PLEKHG7: variants seen among roughly 807,000 people sequenced by gnomAD.
PLEKHG7 encodes the protein pleckstrin homology domain-containing family G member 7.
In PLEKHG7, 77 loss-of-function variants were observed where a neutral mutation model predicts 85.2. The ratio of observed to expected loss-of-function variants is 0.90; its 90% confidence interval spans 0.75 to 1.09. The LOEUF (loss-of-function observed/expected upper bound fraction) is 1.09, where lower values mean the gene tolerates loss of function less well. PLEKHG7 is among the 50% of genes least tolerant of loss of function. The pLI, the probability that PLEKHG7 is intolerant of heterozygous loss-of-function variation, is 0.00. For synonymous variants in PLEKHG7, 301 were observed against 302.4 expected, an observed-to-expected ratio of 1.00 and a Z score of 0.05; for missense variants, 777 against 804.3, an observed-to-expected ratio of 0.97 and a Z score of 0.41.
intron 3 of PLEKHG7, among the ~76,000 whole-genome samples, chr12:92,722,231 C>G (rs78078627): frequency 6.6e-6 from 1 of 151,954 alleles, no homozygotes; most frequent in Non-Finnish European, 1.5e-5. Context: ...GACACAGACC[C>G]GGGTCTTTTC....
chr12:92,721,702 C>CAAAAAA (rs71069170), intron 3 of PLEKHG7, among the ~76,000 whole-genome samples: 1 of 43,370 alleles, frequency 2.3e-5, no homozygotes, highest in Non-Finnish European at 4.4e-5. Flanking sequence ...AGCATAAAAC[C>CAAAAAA]AAAAAAAAAA....
chr12:92,729,273 T>A (rs1320578789), intron 4 of PLEKHG7, among the ~76,000 whole-genome samples, 153 bp downstream of exon 4: 1 of 151,844 alleles, frequency 6.6e-6, no homozygotes, highest in Non-Finnish European at 1.5e-5. Context: ...CACCAGCTGT[T>A]ACTGGAATTA....
At chr12:92,734,799 A>G (rs1397892876) in intron 5 of PLEKHG7, among the ~76,000 whole-genome samples, 2 of 152,200 alleles carry the variant, frequency 1.3e-5, no homozygotes, top group Non-Finnish European at 2.9e-5. Context: ...ACCAATGACT[A>G]CTGTACATCT....
At position 92,749,955 on chromosome 12, in the gene PLEKHG7, TTA is replaced by T. The variant is rs1163162941; in HGVS notation, c.1252-4131_1252-4130del. 1.3e-3 allele frequency among the ~76,000 whole-genome samples: 74 copies of T among 56,578 alleles called. 1 individual carries two copies. Among genetic ancestry groups the T allele is most frequent in the African/African-American group, 5.2e-3 (68 of 13,038 alleles). 37.1% of individuals were successfully genotyped at this position (56,578 alleles called of 152,430 possible). On this transcript the variant is annotated intron_variant, in intron 10 of 16. Transcript: ENST00000344636. ...ATTTTATTTTATATTTTATTTTATTTTATATTTTATTTTATATTTTATTTTAT... is the reference window on the plus strand; with the variant it reads ...ATTTTATTTTATATTTTATTTTATTTTATTTTATTTTATATTTTATTTTAT...
At chr12:92,714,699 G>A (rs532300835) in intron 3 of PLEKHG7, among the ~76,000 whole-genome samples, 1 of 152,226 alleles carries the variant, frequency 6.6e-6, no homozygotes, top group Non-Finnish European at 1.5e-5. Flanking sequence ...GCTTTGTTAT[G>A]TTCCTTGGTT....
At chr12:92,730,683 G>A (rs1412707030) in intron 4 of PLEKHG7, among the ~76,000 whole-genome samples, 1 of 152,230 alleles carries the variant, frequency 6.6e-6, no homozygotes, top group Non-Finnish European at 1.5e-5. Flanking sequence ...GCTTCCCAAG[G>A]TGCTGGGATT....
At chr12:92,707,279 C>T (rs80210759) in intron 2 of PLEKHG7, 141 bp downstream of exon 2, 26,913 of 1,436,720 alleles carry the variant, frequency 0.019, 294 homozygotes, top group Non-Finnish European at 0.023. Flanking sequence ...GACACATTCT[C>T]TTTAGGAAGC....
intron 11 of PLEKHG7, among the ~76,000 whole-genome samples, chr12:92,754,619 A>G (rs1433016283): frequency 6.6e-6 from 1 of 152,222 alleles, no homozygotes; most frequent in Non-Finnish European, 1.5e-5. Context: ...GGGAGTAAAC[A>G]CCATGGAAAG....
intron 4 of PLEKHG7, among the ~76,000 whole-genome samples, 167 bp downstream of exon 4, chr12:92,729,287 G>A (rs1871913192): frequency 6.6e-6 from 1 of 151,664 alleles, no homozygotes; most frequent in Non-Finnish European, 1.5e-5. Flanking sequence ...GGAATTACGG[G>A]AACCAGCTGA....
intron 13 of PLEKHG7, among the ~76,000 whole-genome samples, chr12:92,758,680 A>G (rs1439253212): frequency 6.6e-6 from 1 of 152,242 alleles, no homozygotes; most frequent in Non-Finnish European, 1.5e-5. Flanking sequence ...CATGAACTAC[A>G]TAATGTCACT....
intron 3 of PLEKHG7, among the ~76,000 whole-genome samples, chr12:92,727,958 GTGTGTATA>G (rs1245646833): frequency 7.4e-6 from 1 of 135,224 alleles, no homozygotes; most frequent in African/African-American, 2.8e-5. Flanking sequence ...GTGTGTGTGT[GTGTGTATA>G]TATATATATA....
intron 3 of PLEKHG7, among the ~76,000 whole-genome samples, chr12:92,717,165 A>G (rs966210247): frequency 3.3e-5 from 5 of 152,244 alleles, no homozygotes; most frequent in South Asian, 4.1e-4. Context: ...CTACATTTCT[A>G]TAAGACTATA....
At chr12:92,707,807 T>G in intron 3 of PLEKHG7, 135 bp downstream of exon 3, 1 of 1,464,752 alleles carries the variant, frequency 6.8e-7, no homozygotes, top group South Asian at 1.2e-5. Flanking sequence ...CTCAAGTCAC[T>G]CTTCGCATTT....
chr12:92,751,594 G>A (rs533416535), intron 10 of PLEKHG7, among the ~76,000 whole-genome samples: 3 of 151,042 alleles, frequency 2.0e-5, no homozygotes, highest in South Asian at 2.1e-4. Context: ...GGCTGGTCTC[G>A]AACTCCTGAC....
At chr12:92,730,640 G>A (rs976133010) in intron 4 of PLEKHG7, among the ~76,000 whole-genome samples, 12 of 152,184 alleles carry the variant, frequency 7.9e-5, no homozygotes, top group Non-Finnish European at 1.6e-4. Flanking sequence ...GGGTGGTGTC[G>A]AACTCCTGAC....
Position 92,741,537 on chromosome 12 carries a change from A to C in PLEKHG7, c.1082A>C (p.Tyr361Ser). 1 of 1,613,628 alleles carries C rather than the reference A, an allele frequency of 6.2e-7. No homozygotes were observed. The highest frequency in any genetic ancestry group is 1.1e-5 in the South Asian group (1 of 91,004). The stretch of plus-strand genomic sequence containing the variant: ...AGTCTCTTTGGCATCATCAAGGACT[A>C]TGTAGACGCTTCTGAGATTTCCTCA... ...VNSLFGIIKD[Y>S]VDASEISSSL... The change falls in exon 9 of 17, where the codon TAT becomes TCT. Residue 361 changes from tyrosine to serine, a missense_variant. By Grantham distance (144) the Tyr-to-Ser change is moderately radical. Coordinates refer to ENST00000344636, the MANE Select transcript of PLEKHG7 (RefSeq NM_001377329.1).
intron 3 of PLEKHG7, among the ~76,000 whole-genome samples, chr12:92,727,733 C>A (rs1592677318): frequency 6.6e-6 from 1 of 151,994 alleles, no homozygotes; most frequent in East Asian, 1.9e-4. Context: ...GGATTACAGG[C>A]ATGCACCACC....
At chr12:92,737,900 A>G (rs1344389656) in intron 7 of PLEKHG7, among the ~76,000 whole-genome samples, 1 of 152,122 alleles carries the variant, frequency 6.6e-6, no homozygotes, top group East Asian at 1.9e-4. Context: ...TTAACATTGG[A>G]TGAGATCGTC....
At chr12:92,726,640 T>C (rs1248438789) in intron 3 of PLEKHG7, among the ~76,000 whole-genome samples, 1 of 152,140 alleles carries the variant, frequency 6.6e-6, no homozygotes, top group Non-Finnish European at 1.5e-5. Context: ...TTTTGCTCCT[T>C]AGAGATCACT....
Sources: allele counts gnomAD v4.1 joint callset (sites outside exome capture counted in the v4.1 genomes callset), GRCh38; gene constraint gnomAD v4.1.1; transcripts MANE v1.5; gene names NCBI Gene and HGNC (gene_info 2026-07-23, HGNC 2026-07-21).